The following SOX5 variants were observed in gnomAD, a reference collection of about 807,000 sequenced individuals.
SOX5 encodes the protein SRY-box transcription factor 5.
In SOX5, 9 loss-of-function variants were observed where a neutral mutation model predicts 92.0. The observed-to-expected ratio is 0.10, with a 90% CI of 0.06 to 0.17. The LOEUF is 0.17. Among genes scored for constraint, SOX5 ranks in the 10% least tolerant of loss-of-function variants. The pLI is 1.00. For synonymous variants in SOX5, 344 were observed against 336.3 expected, an observed-to-expected ratio of 1.02 and a Z score of -0.25; for missense variants, 642 against 944.5, an observed-to-expected ratio of 0.68 and a Z score of 4.20.
intron 4 of SOX5, among the ~76,000 whole-genome samples, chr12:24,143,304 A>C (rs2138693882): frequency 6.6e-6 from 1 of 152,328 alleles, no homozygotes; most frequent in Middle Eastern, 3.4e-3. Context: ...CTGGTATCCA[A>C]TTAAAAAAAA....
At chr12:24,413,305 C>T (rs1964450775) in intron 1 of SOX5, among the ~76,000 whole-genome samples, 1 of 151,868 alleles carries the variant, frequency 6.6e-6, no homozygotes, top group South Asian at 2.1e-4. Flanking sequence ...ATATAATATC[C>T]CTCTCTGTCA....
intron 4 of SOX5, among the ~76,000 whole-genome samples, chr12:23,964,100 C>T (rs1947278228): frequency 6.6e-6 from 1 of 151,968 alleles, no homozygotes; most frequent in Non-Finnish European, 1.5e-5. Flanking sequence ...ACCTCTCTCT[C>T]TTCATAGTAT....
At chr12:24,380,206 G>A (rs1464361157) in intron 1 of SOX5, among the ~76,000 whole-genome samples, 2 of 152,166 alleles carry the variant, frequency 1.3e-5, no homozygotes, top group Non-Finnish European at 2.9e-5. Flanking sequence ...GGGCAAAGTT[G>A]GTATCCCAAG....
intron 1 of SOX5, among the ~76,000 whole-genome samples, chr12:24,429,635 C>CACAT (rs1177803364): frequency 6.6e-6 from 1 of 151,372 alleles, no homozygotes; most frequent in African/African-American, 2.4e-5. Context: ...TACACACACA[C>CACAT]ACACACACAC....
rs565790996 is a variant in SOX5, at chr12:23,922,832, CA to C, written c.38+26731del. Among the ~76,000 whole-genome samples the C allele has an allele frequency of 2.7e-4, 41 of 152,266 alleles. No homozygotes were observed. In the East Asian group the frequency reaches 7.9e-3, roughly 29 times the overall value. ...ACGCACTCACAATCTAGTGACATTG[CA>C]GTCTCGTGAGGAAAAACAACTGGTA... On this transcript the variant is annotated intron_variant, in intron 1 of 14. Coordinates refer to ENST00000451604, the MANE Select transcript of SOX5 (RefSeq NM_006940.6).
At chr12:23,729,376 T>C (rs979537583) in intron 6 of SOX5, among the ~76,000 whole-genome samples, 2 of 152,120 alleles carry the variant, frequency 1.3e-5, no homozygotes, top group Middle Eastern at 6.3e-3. Context: ...AAAAAACTAT[T>C]CAACATAATT....
chr12:24,353,239 C>G (rs1449964369), intron 2 of SOX5, among the ~76,000 whole-genome samples: 1 of 152,180 alleles, frequency 6.6e-6, no homozygotes, highest in Admixed American at 6.5e-5. Flanking sequence ...CACTGATTCA[C>G]CAGGTCAGAT....
At chr12:24,167,320 ATTTAAGTTTG>A (rs1362101418) in intron 4 of SOX5, among the ~76,000 whole-genome samples, 1 of 152,224 alleles carries the variant, frequency 6.6e-6, no homozygotes, top group African/African-American at 2.4e-5. Flanking sequence ...AAGGATTGTT[ATTTAAGTTTG>A]TTTAACTCAG....
chr12:23,552,830 CA>C (rs1944454432), intron 11 of SOX5, among the ~76,000 whole-genome samples: 1 of 151,918 alleles, frequency 6.6e-6, no homozygotes, highest in Non-Finnish European at 1.5e-5. Context: ...AGAAGCAATT[CA>C]AGGTTGAATG....
At chr12:23,753,220 T>C (rs927164032) in intron 4 of SOX5, among the ~76,000 whole-genome samples, 1 of 151,800 alleles carries the variant, frequency 6.6e-6, no homozygotes, top group Admixed American at 6.6e-5. Flanking sequence ...TTCCAAGCTA[T>C]GATTGTAATA....
In SOX5 at chr12:24,432,780, C is replaced by A. The variant is rs140734747; in HGVS notation, c.-250-64141G>T. ...TGAGCCAAGATCGCACCACTGCACT[C>A]CAGCCTGGTGACAGAGCGAGACTGT... On this transcript the variant is annotated intron_variant, in intron 1 of 4. Coordinates refer to the SOX5 transcript ENST00000446891. Among the ~76,000 whole-genome samples, 393 of 152,218 alleles carry A rather than the reference C, an allele frequency of 2.6e-3. 5 individuals carry two copies. The highest frequency in any genetic ancestry group is 9.0e-3 in the African/African-American group (373 of 41,522).
intron 4 of SOX5, among the ~76,000 whole-genome samples, chr12:24,124,846 C>CCATAAAT (rs1293106863): frequency 1.3e-5 from 2 of 152,300 alleles, no homozygotes; most frequent in East Asian, 3.9e-4. Context: ...ACCATAAATA[C>CCATAAAT]ATGATAGTAG....
intron 4 of SOX5, among the ~76,000 whole-genome samples, chr12:24,144,937 T>A (rs1950928421): frequency 6.6e-6 from 1 of 151,870 alleles, no homozygotes; most frequent in Admixed American, 6.6e-5. Flanking sequence ...ACAAAAAAAC[T>A]ACAAAAAATT....
intron 4 of SOX5, among the ~76,000 whole-genome samples, chr12:24,024,858 T>A (rs1954701772): frequency 6.6e-6 from 1 of 152,022 alleles, no homozygotes; most frequent in Non-Finnish European, 1.5e-5. Flanking sequence ...AGATTTTCAC[T>A]GAGCCAAGTA....
At chr12:23,547,435 C>A (rs909509988) in intron 11 of SOX5, among the ~76,000 whole-genome samples, 9 of 152,068 alleles carry the variant, frequency 5.9e-5, no homozygotes, top group African/African-American at 2.2e-4. Context: ...ACGACATACA[C>A]TGCAGAACTG....
intron 4 of SOX5, among the ~76,000 whole-genome samples, chr12:23,972,413 A>C (rs920626512): frequency 2.0e-5 from 3 of 152,164 alleles, no homozygotes; most frequent in Admixed American, 6.5e-5. Flanking sequence ...GCTGGAGTGC[A>C]GTGGTGCAAT....
At chr12:23,568,366 C>T (rs1947525841) in intron 10 of SOX5, among the ~76,000 whole-genome samples, 1 of 152,166 alleles carries the variant, frequency 6.6e-6, no homozygotes. Flanking sequence ...TTTCAACCCA[C>T]CCAGTTTACA....
At chr12:24,096,282 A>C (rs1380598311) in intron 4 of SOX5, among the ~76,000 whole-genome samples, 2 of 152,130 alleles carry the variant, frequency 1.3e-5, no homozygotes, top group African/African-American at 2.4e-5. Flanking sequence ...CCAAACTTTT[A>C]ATTCTTACTG....
intron 4 of SOX5, among the ~76,000 whole-genome samples, chr12:24,099,782 G>T (rs1414076416): frequency 6.6e-6 from 1 of 152,100 alleles, no homozygotes; most frequent in Non-Finnish European, 1.5e-5. Flanking sequence ...ATGTCATAAA[G>T]TAAGAAAAGG....
Sources: gnomAD v4.1 joint callset for allele counts (sites outside exome capture counted in the v4.1 genomes callset) on GRCh38, gnomAD v4.1.1 for gene constraint, MANE v1.5 for transcripts, NCBI Gene and HGNC (gene_info 2026-07-23, HGNC 2026-07-21) for gene names.